LARGE1: variants seen among roughly 807,000 people sequenced by gnomAD.
LARGE1 encodes LARGE xylosyl- and glucuronyltransferase 1.
Under a neutral mutation model 87.6 loss-of-function variants are expected in LARGE1, and 43 were observed. That is an observed-to-expected ratio of 0.49 (90% CI 0.38 to 0.63). The LOEUF is 0.63. Among genes scored for constraint, LARGE1 ranks in the 30% least tolerant of loss-of-function variants. The pLI is 0.00. For synonymous variants in LARGE1, 434 were observed against 394.6 expected (o/e 1.10, Z -1.18); for missense variants, 802 against 1,000.2 (o/e 0.80, Z 2.67).
At chr22:33,876,719 T>G (rs2064478832) in intron 1 of LARGE1, among the ~76,000 whole-genome samples, 1 of 151,906 alleles carries the variant, frequency 6.6e-6, no homozygotes, top group Non-Finnish European at 1.5e-5. Context: ...GCTTAACACC[T>G]AGATGACGGG....
intron 6 of LARGE1, among the ~76,000 whole-genome samples, chr22:33,509,809 G>A (rs936285145): frequency 3.3e-5 from 5 of 152,108 alleles, no homozygotes; most frequent in Admixed American, 1.3e-4. Flanking sequence ...ACCTAACTGG[G>A]CAATTTAAAA....
At chr22:33,889,981 G>T (rs2064962421) in intron 1 of LARGE1, among the ~76,000 whole-genome samples, 1 of 152,218 alleles carries the variant, frequency 6.6e-6, no homozygotes, top group Non-Finnish European at 1.5e-5. Context: ...GTGCTGAAAG[G>T]GAGGCCCCAG....
chr22:33,293,207 C>G (rs1405453526), intron 12 of LARGE1, among the ~76,000 whole-genome samples: 1 of 152,210 alleles, frequency 6.6e-6, no homozygotes, highest in Non-Finnish European at 1.5e-5. Context: ...ATTGGAGAAA[C>G]TGAATTTCTC....
intron 10 of LARGE1, among the ~76,000 whole-genome samples, chr22:33,337,381 C>T (rs954211328): frequency 6.6e-6 from 1 of 152,234 alleles, no homozygotes; most frequent in Middle Eastern, 3.4e-3. Flanking sequence ...TGGTTTTGTT[C>T]ATTCTGTTTC....
chr22:33,667,429 C>G (rs2081299107), intron 2 of LARGE1, among the ~76,000 whole-genome samples: 1 of 152,184 alleles, frequency 6.6e-6, no homozygotes, highest in Admixed American at 6.5e-5. Context: ...ACAGAAAAGC[C>G]ATTACTCCCA....
chr22:33,188,393 G>A lies in LARGE1; in HGVS notation c.1731-21561C>T, dbSNP rs566325460. Among the ~76,000 whole-genome samples the A allele has an allele frequency of 3.3e-5, 5 of 152,154 alleles. No homozygotes were observed. The East Asian group carries it at 7.7e-4, about 24-fold the overall frequency. ...AATAAGGAGGGGCAGGTACAACACA[G>A]GTCCATCATTAAGGGGAAATGGGAT... is the stretch of plus-strand genomic sequence containing the variant. On this transcript the variant is annotated intron_variant, in intron 11 of 11. Transcript: ENST00000608642.
At chr22:33,364,857 G>A (rs554952732) in intron 9 of LARGE1, among the ~76,000 whole-genome samples, 1 of 150,382 alleles carries the variant, frequency 6.6e-6, no homozygotes, top group Admixed American at 6.6e-5. Context: ...CCACCATGCC[G>A]GCTAATTTTT....
At chr22:33,439,213 C>CAA (rs1158386811) in intron 6 of LARGE1, among the ~76,000 whole-genome samples, 4 of 90,092 alleles carry the variant, frequency 4.4e-5, no homozygotes, top group African/African-American at 7.7e-5. Flanking sequence ...GACTCCATCT[C>CAA]AAAAAAAAAA....
chr22:33,149,044 T>C, the LARGE1 span, among the ~76,000 whole-genome samples: 1 of 145,258 alleles, frequency 6.9e-6, no homozygotes, highest in Non-Finnish European at 1.5e-5. Context: ...TTTTTTCTTT[T>C]TTTTTTTTTT....
chr22:33,748,996 CT>C (rs1180773234), intron 2 of LARGE1, among the ~76,000 whole-genome samples: 1 of 152,196 alleles, frequency 6.6e-6, no homozygotes, highest in East Asian at 1.9e-4. Context: ...TCCCAGGAGA[CT>C]TTCCAGGATT....
intron 1 of LARGE1, among the ~76,000 whole-genome samples, chr22:33,789,263 C>T (rs1447087921): frequency 1.3e-5 from 2 of 152,206 alleles, no homozygotes; most frequent in African/African-American, 4.8e-5. Context: ...TGGTGGCTTC[C>T]ACATGCTGTT....
chr22:33,810,377 C>A (rs1253889701), intron 1 of LARGE1, among the ~76,000 whole-genome samples: 1 of 152,164 alleles, frequency 6.6e-6, no homozygotes, highest in Non-Finnish European at 1.5e-5. Context: ...AAATCTCCCT[C>A]TTGACTCCCC....
intron 11 of LARGE1, among the ~76,000 whole-genome samples, chr22:33,224,100 G>C (rs137469): frequency 1.3e-5 from 2 of 151,902 alleles, no homozygotes; most frequent in Non-Finnish European, 2.9e-5. Context: ...CCTAGCTAAT[G>C]CAGTGAAATC....
At chr22:33,363,690 T>C (rs2064468512) in intron 9 of LARGE1, among the ~76,000 whole-genome samples, 2 of 150,042 alleles carry the variant, frequency 1.3e-5, no homozygotes, top group African/African-American at 4.9e-5. Flanking sequence ...CAGTGAAAGA[T>C]TAATAACAAT....
exon 12 of LARGE1, chr22:33,163,361 A>C (rs1392006448): frequency 6.6e-6 from 1 of 152,174 alleles, no homozygotes; most frequent in East Asian, 1.9e-4. Flanking sequence ...CTGATGTAGG[A>C]AAAAAACCAG....
intron 2 of LARGE1, among the ~76,000 whole-genome samples, chr22:33,679,716 C>T (rs1451620037): frequency 6.6e-6 from 1 of 152,130 alleles, no homozygotes; most frequent in Non-Finnish European, 1.5e-5. Flanking sequence ...ATGGCAGGCT[C>T]CTGTAATCTC....
At chr22:33,079,261 T>C in the LARGE1 span, among the ~76,000 whole-genome samples, 1 of 132,212 alleles carries the variant, frequency 7.6e-6, no homozygotes, top group African/African-American at 2.9e-5. Flanking sequence ...AGAGTCTCAC[T>C]CTGTCACCCA....
chr22:33,836,269 A>T (rs1042837816), intron 1 of LARGE1, among the ~76,000 whole-genome samples: 2 of 152,202 alleles, frequency 1.3e-5, no homozygotes, highest in Middle Eastern at 3.2e-3. Flanking sequence ...TGAGCATGGT[A>T]GCTCCTATGT....
In LARGE1 at chr22:33,761,355, T is replaced by C; in HGVS notation, c.106+16A>G. 6.3e-7 allele frequency: 1 copy of C among 1,589,674 alleles called. No individual in the cohort carries two copies. The highest frequency in any genetic ancestry group is 8.6e-7 in the Non-Finnish European group (1 of 1,157,708). The stretch of plus-strand genomic sequence containing the variant: ...TTTCTTCCCTCCTTCCCTCTCACTT[T>C]GGCTTCCATTCTTACCTTCGAAGCT... On this transcript the variant is annotated intron_variant, in intron 2 of 14. Transcript: ENST00000397394.
Sources: allele counts gnomAD v4.1 joint callset (sites outside exome capture counted in the v4.1 genomes callset), GRCh38; gene constraint gnomAD v4.1.1; transcripts MANE v1.5; gene names NCBI Gene and HGNC (gene_info 2026-07-23, HGNC 2026-07-21).